Variants in GSE1 observed in about 807,000 individuals in gnomAD.
The protein encoded by GSE1 is genetic suppressor element 1.
Under a neutral mutation model 112.6 loss-of-function variants are expected in GSE1, and 32 were observed. That is an observed-to-expected ratio of 0.28 (90% confidence interval 0.21 to 0.38). The LOEUF (loss-of-function observed/expected upper bound fraction) is 0.38, where lower values mean the gene tolerates loss of function less well. Among genes scored for constraint, GSE1 ranks in the 10% least tolerant of loss-of-function variants. The pLI, the probability that GSE1 is intolerant of heterozygous loss-of-function variation, is 1.00. For missense variants in GSE1, 2,348 were observed against 1,699.2 expected, an observed-to-expected ratio of 1.38 and a Z score of -6.71; for synonymous variants, 1,115 against 735.6, an observed-to-expected ratio of 1.52 and a Z score of -8.35.
upstream of GSE1, chr16:85,555,122 CTTCAGCCGCCCGCCGCT>C: frequency 4.1e-6 from 4 of 985,216 alleles, no homozygotes; most frequent in Non-Finnish European, 4.8e-6. Context: ...CCGCCGCCGC[CTTCAGCCGCCCGCCGCT>C]GCGCCCCTAC....
intron 1 of GSE1, among the ~76,000 whole-genome samples, chr16:85,556,759 C>T (rs924510744): frequency 1.6e-4 from 23 of 145,570 alleles, no homozygotes; most frequent in African/African-American, 3.5e-4. Flanking sequence ...GCCCCCCCCC[C>T]CCCCAGTCCT....
At chr16:85,423,141 C>T (rs968820217) in intron 2 of GSE1, among the ~76,000 whole-genome samples, 17 of 152,362 alleles carry the variant, frequency 1.1e-4, no homozygotes, top group African/African-American at 3.8e-4. Flanking sequence ...TTTGCCCCAC[C>T]CCTGATGAGC....
chr16:85,285,980 A>G (rs1466893797), intron 1 of GSE1: 1 of 152,352 alleles, frequency 6.6e-6, no homozygotes, highest in East Asian at 1.9e-4. Context: ...GAGGCCCACT[A>G]TCTTGGGCAC....
chr16:85,308,139 C>T (rs565516081), intron 1 of GSE1, among the ~76,000 whole-genome samples: 3 of 152,266 alleles, frequency 2.0e-5, no homozygotes, highest in East Asian at 1.9e-4. Context: ...GTCTGCATTT[C>T]GGTTTCCTTG....
At chr16:85,181,198 T>G (rs1436801431) in intron 1 of GSE1, among the ~76,000 whole-genome samples, 1 of 152,232 alleles carries the variant, frequency 6.6e-6, no homozygotes, top group Non-Finnish European at 1.5e-5. Flanking sequence ...TTGGTGACCT[T>G]GGGCAGGGTG....
chr16:85,639,885 G>A (rs2151804454), intron 2 of GSE1, among the ~76,000 whole-genome samples: 1 of 152,334 alleles, frequency 6.6e-6, no homozygotes, highest in South Asian at 2.1e-4. Context: ...GGCGGCCGGG[G>A]GCGGAGGTAC....
chr16:85,543,190 G>A (rs1008909952), intron 2 of GSE1, among the ~76,000 whole-genome samples: 6 of 142,980 alleles, frequency 4.2e-5, no homozygotes, highest in East Asian at 2.0e-4. Flanking sequence ...CAGCCTGGGC[G>A]ACAGAGCAAG....
At chr16:85,494,124 C>A (rs1015381427) in intron 2 of GSE1, among the ~76,000 whole-genome samples, 3 of 152,238 alleles carry the variant, frequency 2.0e-5, no homozygotes, top group Admixed American at 2.0e-4. Flanking sequence ...TAAGAACTTA[C>A]CCCGAACAGA....
At chr16:85,430,969 G>A (rs1442211351) in intron 2 of GSE1, among the ~76,000 whole-genome samples, 4 of 152,312 alleles carry the variant, frequency 2.6e-5, no homozygotes, top group East Asian at 1.9e-4. Context: ...TTTGAGAGCC[G>A]CTGATACAGA....
At chr16:85,398,478 T>A (rs934883460) in intron 2 of GSE1, among the ~76,000 whole-genome samples, 3 of 152,076 alleles carry the variant, frequency 2.0e-5, no homozygotes, top group African/African-American at 7.2e-5. Flanking sequence ...GCCCTGCTGC[T>A]ATCTGTAGAC....
At chr16:85,351,802 C>T (rs1720878034) in intron 1 of GSE1, among the ~76,000 whole-genome samples, 2 of 152,116 alleles carry the variant, frequency 1.3e-5, no homozygotes, top group African/African-American at 2.4e-5. Context: ...CCAGACTGGC[C>T]AACATGGTGA....
intron 2 of GSE1, among the ~76,000 whole-genome samples, chr16:85,524,215 T>C (rs2052287657): frequency 6.6e-6 from 1 of 152,128 alleles, no homozygotes; most frequent in Admixed American, 6.5e-5. Flanking sequence ...TGGCCAGGTC[T>C]CTGCCCTTTG....
intron 5 of GSE1, 95 bp downstream of exon 5, chr16:85,655,086 C>A: frequency 1.2e-6 from 1 of 831,120 alleles, no homozygotes; most frequent in Non-Finnish European, 2.0e-6. Flanking sequence ...GACCTGAGAG[C>A]CAGGCTCCTA....
intron 1 of GSE1, among the ~76,000 whole-genome samples, chr16:85,578,872 ATT>A (rs757513584): frequency 1.4e-5 from 2 of 141,470 alleles, no homozygotes; most frequent in Non-Finnish European, 1.5e-5. Flanking sequence ...CCTGATGTGC[ATT>A]TTTTTTTTTT....
intron 1 of GSE1, among the ~76,000 whole-genome samples, chr16:85,328,814 C>G (rs1346241119): frequency 6.6e-6 from 1 of 151,824 alleles, no homozygotes; most frequent in Non-Finnish European, 1.5e-5. Context: ...CCGGGGCCTC[C>G]CCGCCCCGGG....
chr16:85,580,576 G>T (rs934567705), intron 1 of GSE1, among the ~76,000 whole-genome samples: 2 of 152,226 alleles, frequency 1.3e-5, no homozygotes, highest in Admixed American at 1.3e-4. Flanking sequence ...CTCCTGTTGG[G>T]TCACAAGGCC....
chr16:85,221,738 C>T (rs1017795133), intron 1 of GSE1, among the ~76,000 whole-genome samples: 2 of 152,198 alleles, frequency 1.3e-5, no homozygotes, highest in African/African-American at 4.8e-5. Context: ...GCCCACTTTC[C>T]TTCATGTCCA....
At chr16:85,432,967 C>T (rs777114241) in intron 2 of GSE1, among the ~76,000 whole-genome samples, 4 of 151,978 alleles carry the variant, frequency 2.6e-5, no homozygotes, top group Non-Finnish European at 4.4e-5. Context: ...AGGCCTAGAG[C>T]GGTCACACTG....
intron 2 of GSE1, among the ~76,000 whole-genome samples, chr16:85,440,471 C>T (rs1050771573): frequency 6.6e-6 from 1 of 152,218 alleles, no homozygotes; most frequent in African/African-American, 2.4e-5. Flanking sequence ...GAACCTGCTG[C>T]AGCAGGAGAC....
Sources: gnomAD v4.1 joint callset for allele counts (sites outside exome capture counted in the v4.1 genomes callset) on GRCh38, gnomAD v4.1.1 for gene constraint, MANE v1.5 for transcripts, NCBI Gene and HGNC (gene_info 2026-07-23, HGNC 2026-07-21) for gene names.